Variants in CFAP20DC observed in about 807,000 individuals in gnomAD.
CFAP20DC encodes the protein CFAP20 domain containing, also known as protein CFAP20DC.
In CFAP20DC, 84 loss-of-function variants were observed where a neutral mutation model predicts 101.7. The ratio of observed to expected loss-of-function variants is 0.83; its 90% CI spans 0.69 to 0.99. CFAP20DC has a LOEUF of 0.99. CFAP20DC is among the 50% of genes least tolerant of loss of function. The pLI, the probability that CFAP20DC is intolerant of heterozygous loss-of-function variation, is 0.00. For missense variants in CFAP20DC, 1,007 were observed against 970.3 expected (o/e 1.04, Z -0.50); for synonymous variants, 359 against 351.2 (o/e 1.02, Z -0.25).
At chr3:59,040,121 G>A (rs1030595279) in intron 3 of CFAP20DC, among the ~76,000 whole-genome samples, 2 of 151,982 alleles carry the variant, frequency 1.3e-5, no homozygotes, top group African/African-American at 4.8e-5. Flanking sequence ...ATGAGCCATA[G>A]CTAATTCATA....
At chr3:58,755,352 C>T (rs2068865102) in intron 15 of CFAP20DC, among the ~76,000 whole-genome samples, 1 of 152,048 alleles carries the variant, frequency 6.6e-6, no homozygotes, top group South Asian at 2.1e-4. Flanking sequence ...TTTATTTAGG[C>T]TACTTAATTA....
intron 3 of CFAP20DC, chr3:58,726,993 C>G (rs58608001): frequency 0.1 from 20,023 of 201,170 alleles, 1,359 homozygotes; most frequent in East Asian, 0.4. Flanking sequence ...ACCATCAGAA[C>G]AGATGAGAAT....
chr3:58,763,237 C>G (rs2069845520), intron 15 of CFAP20DC, among the ~76,000 whole-genome samples: 3 of 152,168 alleles, frequency 2.0e-5, no homozygotes, highest in Admixed American at 6.5e-5. Flanking sequence ...TTCTTCATTT[C>G]TTTTTATTCT....
At chr3:58,811,165 A>G (rs1294035005) in intron 14 of CFAP20DC, among the ~76,000 whole-genome samples, 1 of 152,180 alleles carries the variant, frequency 6.6e-6, no homozygotes, top group Admixed American at 6.6e-5. Flanking sequence ...ATCCCCATCA[A>G]GCTACCAATG....
At chr3:58,753,497 C>A (rs1019855351) in intron 16 of CFAP20DC, among the ~76,000 whole-genome samples, 1 of 152,140 alleles carries the variant, frequency 6.6e-6, no homozygotes, top group African/African-American at 2.4e-5. Context: ...AGATGAAGGT[C>A]AATTTGACAT....
At chr3:58,934,036 A>C (rs560613633) in intron 5 of CFAP20DC, among the ~76,000 whole-genome samples, 7 of 152,214 alleles carry the variant, frequency 4.6e-5, no homozygotes, top group Non-Finnish European at 7.3e-5. Context: ...AAGACTAATA[A>C]AGAAGAAAAC....
intron 15 of CFAP20DC, among the ~76,000 whole-genome samples, chr3:58,764,123 GC>G (rs1231631908): frequency 3.3e-5 from 5 of 152,138 alleles, no homozygotes; most frequent in Admixed American, 2.6e-4. Flanking sequence ...GCTATGCCCT[GC>G]CCCCCAGAGG....
At chr3:58,767,321 C>G (rs1469878830) in intron 15 of CFAP20DC, among the ~76,000 whole-genome samples, 2 of 152,122 alleles carry the variant, frequency 1.3e-5, no homozygotes, top group Non-Finnish European at 2.9e-5. Context: ...GGGACACACA[C>G]CTGCTTCTTT....
chr3:58,925,993 T>A (rs535320309), intron 5 of CFAP20DC, among the ~76,000 whole-genome samples: 33 of 152,340 alleles, frequency 2.2e-4, no homozygotes, highest in African/African-American at 7.9e-4. Flanking sequence ...TAAGAAGGCA[T>A]AAGACAGTTC....
At chr3:58,747,498 A>G (rs1043577310) in intron 16 of CFAP20DC, among the ~76,000 whole-genome samples, 8 of 152,224 alleles carry the variant, frequency 5.3e-5, no homozygotes, top group Non-Finnish European at 1.2e-4. Context: ...CTAGTTTATC[A>G]GATTTAAAAT....
At chr3:58,918,947 C>A (rs2085037858) in intron 5 of CFAP20DC, among the ~76,000 whole-genome samples, 2 of 152,292 alleles carry the variant, frequency 1.3e-5, no homozygotes, top group South Asian at 4.1e-4. Flanking sequence ...ATGTCAATCA[C>A]AAAATCTTTC....
At chr3:58,759,872 C>A (rs1370376173) in intron 15 of CFAP20DC, among the ~76,000 whole-genome samples, 2 of 152,268 alleles carry the variant, frequency 1.3e-5, no homozygotes, top group African/African-American at 4.8e-5. Flanking sequence ...TCTGAGGGCT[C>A]TGTTCTGTTC....
intron 7 of CFAP20DC, among the ~76,000 whole-genome samples, chr3:58,880,564 T>C (rs2081159865): frequency 6.6e-6 from 1 of 152,104 alleles, no homozygotes; most frequent in Non-Finnish European, 1.5e-5. Flanking sequence ...AGTAACACAA[T>C]TGTCAAACTG....
intron 13 of CFAP20DC, among the ~76,000 whole-genome samples, chr3:58,835,533 T>C (rs2076678006): frequency 6.6e-6 from 1 of 152,192 alleles, no homozygotes. Flanking sequence ...ACTGAGACCC[T>C]ATTATGTGCC....
chr3:58,960,899 G>A (rs931334799), intron 4 of CFAP20DC, among the ~76,000 whole-genome samples: 1 of 152,066 alleles, frequency 6.6e-6, no homozygotes, highest in African/African-American at 2.4e-5. Context: ...TAAGCTATAT[G>A]TTTTTCATAG....
chr3:58,906,148 A>G (rs2083565252), intron 6 of CFAP20DC, among the ~76,000 whole-genome samples: 2 of 152,186 alleles, frequency 1.3e-5, no homozygotes, highest in Admixed American at 6.5e-5. Context: ...GTTCATATCT[A>G]TAAGTGTTTA....
intron 4 of CFAP20DC, chr3:58,953,899 A>G (rs566375252): frequency 1.3e-5 from 2 of 152,196 alleles, no homozygotes; most frequent in African/African-American, 4.8e-5. Context: ...AAAACACCAT[A>G]TATGAGTTAA....
chr3:58,890,754 G>C (rs1440489316), intron 6 of CFAP20DC, among the ~76,000 whole-genome samples: 9 of 149,354 alleles, frequency 6.0e-5, no homozygotes, highest in African/African-American at 2.0e-4. Flanking sequence ...ACGGGGTTGC[G>C]GCCGGGCAGA....
intron 14 of CFAP20DC, 49 bp from the exon 15 acceptor site, chr3:58,806,505 T>A: frequency 7.5e-7 from 1 of 1,334,066 alleles, no homozygotes; most frequent in Non-Finnish European, 1.1e-6. Context: ...CAAAGCTGTT[T>A]ACATAGACAT....
Sources: gnomAD v4.1 joint callset for allele counts (sites outside exome capture counted in the v4.1 genomes callset) on GRCh38, gnomAD v4.1.1 for gene constraint, MANE v1.5 for transcripts, NCBI Gene and HGNC (gene_info 2026-07-23, HGNC 2026-07-21) for gene names.